BMP6: variants seen among roughly 807,000 people sequenced by gnomAD.
BMP6 encodes the protein bone morphogenetic protein 6.
In BMP6, 17 loss-of-function variants were observed where a neutral mutation model predicts 54.1. The ratio of observed to expected loss-of-function variants is 0.31; its 90% CI spans 0.22 to 0.47. BMP6 has a LOEUF of 0.47. Among genes scored for constraint, BMP6 ranks in the 20% least tolerant of loss-of-function variants. BMP6 has a pLI of 1.00. For missense variants in BMP6, 720 were observed against 690.4 expected, an observed-to-expected ratio of 1.04 and a Z score of -0.48; for synonymous variants, 328 against 291.2, an observed-to-expected ratio of 1.13 and a Z score of -1.28.
chr6:7,828,852 T>C (rs954776280), intron 1 of BMP6, among the ~76,000 whole-genome samples: 2 of 152,166 alleles, frequency 1.3e-5, no homozygotes, highest in Non-Finnish European at 2.9e-5. Flanking sequence ...ATTAGGGACA[T>C]GTTCTGACCA....
In BMP6 at chr6:7,727,205, T is replaced by A. The variant is rs756246256; in HGVS notation, c.250T>A (p.Leu84Met). The A allele has an allele frequency of 2.5e-6, 4 of 1,604,920 alleles. No individual in the cohort carries two copies. ...QEKREMQKEI[L>M]SVLGLPHRPR... Reference sequence around the variant, plus strand: ...GAAGCGGGAGATGCAGAAGGAGATCTTGTCGGTGCTGGGGCTCCCGCACCG... The same window carrying A: ...GAAGCGGGAGATGCAGAAGGAGATCATGTCGGTGCTGGGGCTCCCGCACCG... Residue 84 changes from leucine (L) to methionine (M), a missense_variant, in exon 1 of 7, where the codon TTG becomes ATG. By Grantham distance (15) the Leu-to-Met change is conservative. Transcript: ENST00000283147.
chr6:7,761,987 TCTCAGCTCACTGCAAC>T (rs1301873673), intron 1 of BMP6, among the ~76,000 whole-genome samples: 17 of 152,128 alleles, frequency 1.1e-4, no homozygotes, highest in African/African-American at 1.9e-4. Flanking sequence ...AGTGGCGTGA[TCTCAGCTCACTGCAAC>T]CTCCACTTTC....
At chr6:7,809,635 T>C (rs1758406346) in intron 1 of BMP6, among the ~76,000 whole-genome samples, 1 of 152,180 alleles carries the variant, frequency 6.6e-6, no homozygotes. Flanking sequence ...TTGACCACAT[T>C]CCACCCACCA....
chr6:7,844,858 T>A (rs1214966895), intron 1 of BMP6, among the ~76,000 whole-genome samples: 1 of 151,858 alleles, frequency 6.6e-6, no homozygotes, highest in Non-Finnish European at 1.5e-5. Flanking sequence ...AACGCAAGAG[T>A]TTTCATAACT....
chr6:7,861,205 C>CT (rs5874116), intron 2 of BMP6, among the ~76,000 whole-genome samples: 126,796 of 152,124 alleles, frequency 0.83, 53,035 homozygotes, highest in East Asian at 1. Context: ...GAGGGTCTGC[C>CT]GTGTCGGGGT....
chr6:7,799,096 CTT>C (rs1758233633), intron 1 of BMP6, among the ~76,000 whole-genome samples: 1 of 152,158 alleles, frequency 6.6e-6, no homozygotes, highest in South Asian at 2.1e-4. Context: ...AACATGAAAA[CTT>C]TGGCTACTGC....
intron 1 of BMP6, among the ~76,000 whole-genome samples, chr6:7,777,368 C>G (rs887159223): frequency 3.9e-5 from 6 of 152,208 alleles, no homozygotes; most frequent in Non-Finnish European, 7.3e-5. Flanking sequence ...CGTGGATACA[C>G]TTTTATGCAC....
rs1407939612 is a variant in BMP6, at chr6:7,727,139, T to C, written c.184T>C (p.Ser62Pro). Residue 62 changes from serine to proline, a missense_variant, in exon 1 of 7, where the codon TCC becomes CCC. Physicochemically the swap from Ser to Pro is moderately conservative, Grantham distance 74. Coordinates refer to ENST00000283147, the MANE Select transcript of BMP6 (RefSeq NM_001718.6). ...RTEQPPPSPQSSSGFLYRRLK... is the reference protein window; with the variant it reads ...RTEQPPPSPQPSSGFLYRRLK... ...GGAGCAGCCGCCGCCGTCGCCGCAG[T>C]CCTCCTCGGGCTTCCTGTACCGGCG... 4 of 1,559,600 alleles carry C rather than the reference T, an allele frequency of 2.6e-6. No individual in the cohort carries two copies. The highest frequency in any genetic ancestry group is 2.5e-5 in the East Asian group (1 of 40,080).
chr6:7,770,163 T>A (rs1757761372), intron 1 of BMP6, among the ~76,000 whole-genome samples: 1 of 152,154 alleles, frequency 6.6e-6, no homozygotes, highest in Admixed American at 6.5e-5. Flanking sequence ...TTTCCTTTTT[T>A]AAAAAAATGC....
At chr6:7,859,374 C>T (rs1012197056) in intron 2 of BMP6, among the ~76,000 whole-genome samples, 2 of 152,076 alleles carry the variant, frequency 1.3e-5, no homozygotes, top group Admixed American at 6.6e-5. Flanking sequence ...GGTGCCTAAT[C>T]TAGTCATCAG....
intron 1 of BMP6, among the ~76,000 whole-genome samples, chr6:7,810,129 T>G (rs1404175299): frequency 6.6e-6 from 1 of 152,232 alleles, no homozygotes; most frequent in African/African-American, 2.4e-5. Flanking sequence ...GAAAATTTTT[T>G]AAAGTCATAT....
intron 1 of BMP6, among the ~76,000 whole-genome samples, chr6:7,728,456 C>T (rs972515883): frequency 5.9e-5 from 9 of 152,322 alleles, no homozygotes; most frequent in Admixed American, 1.3e-4. Flanking sequence ...CTAAATGGAG[C>T]TCCGCCACAA....
chr6:7,860,970 A>G (rs1759323525), intron 2 of BMP6, among the ~76,000 whole-genome samples: 1 of 152,140 alleles, frequency 6.6e-6, no homozygotes. Flanking sequence ...CTTATTAGCC[A>G]TAAAGTAAGC....
At chr6:7,820,979 G>A (rs922960298) in intron 1 of BMP6, among the ~76,000 whole-genome samples, 3 of 152,194 alleles carry the variant, frequency 2.0e-5, no homozygotes, top group South Asian at 4.1e-4. Context: ...GAGCTCAGGC[G>A]GAAATGCTCA....
At chr6:7,809,907 A>G (rs1180366384) in intron 1 of BMP6, among the ~76,000 whole-genome samples, 3 of 152,012 alleles carry the variant, frequency 2.0e-5, no homozygotes, top group Non-Finnish European at 4.4e-5. Context: ...GATTATTAAA[A>G]TAGATCATAT....
At chr6:7,823,335 A>G (rs267173) in intron 1 of BMP6, among the ~76,000 whole-genome samples, 83,963 of 152,028 alleles carry the variant, frequency 0.55, 25,289 homozygotes, top group African/African-American at 0.79. Context: ...GCTCTTTGAG[A>G]CAGATGAGTC....
rs545210985 is a variant in BMP6, at chr6:7,780,549, CA to C, written c.664+52941del. ...GGACAACAAGAGTGAAATTCCATCG[CA>C]AAAAAAAAAAGCAAGGGAGACTCTT... On this transcript the variant is annotated intron_variant, in intron 1 of 6. Coordinates refer to ENST00000283147, the MANE Select transcript of BMP6 (RefSeq NM_001718.6). Among the ~76,000 whole-genome samples the C allele has an allele frequency of 9.0e-3, 1,150 of 128,142 alleles. 10 individuals are homozygous for C. The highest frequency in any genetic ancestry group is 0.03 in the African/African-American group (1,050 of 34,828). The allele number at this position is 128,142 out of a possible 152,430, so 84.1% of individuals were successfully genotyped here.
chr6:7,819,915 G>C (rs1758582057), intron 1 of BMP6, among the ~76,000 whole-genome samples: 1 of 152,184 alleles, frequency 6.6e-6, no homozygotes, highest in Admixed American at 6.5e-5. Flanking sequence ...TATGTTTCTA[G>C]TCATCTGAGA....
intron 1 of BMP6, among the ~76,000 whole-genome samples, chr6:7,811,412 G>T (rs1057479348): frequency 6.6e-6 from 1 of 152,160 alleles, no homozygotes; most frequent in African/African-American, 2.4e-5. Flanking sequence ...TAGAAGGAAG[G>T]TCTGATTTGG....
Sources: allele counts gnomAD v4.1 joint callset (sites outside exome capture counted in the v4.1 genomes callset), GRCh38; gene constraint gnomAD v4.1.1; transcripts MANE v1.5; gene names NCBI Gene and HGNC (gene_info 2026-07-23, HGNC 2026-07-21).